Variants in FAM20C observed in about 807,000 individuals in gnomAD.
FAM20C encodes extracellular serine/threonine protein kinase FAM20C.
In FAM20C, 40 loss-of-function variants were observed where a neutral mutation model predicts 51.5. That is an observed-to-expected ratio of 0.78 (90% CI 0.60 to 1.01). The LOEUF is 1.01. Ranked by LOEUF, FAM20C falls within the 50% of genes least tolerant of loss-of-function variation. The pLI, the probability that FAM20C is intolerant of heterozygous loss-of-function variation, is 0.00. For synonymous variants in FAM20C, 406 were observed against 380.6 expected, an observed-to-expected ratio of 1.07 and a Z score of -0.78; for missense variants, 861 against 844.7, an observed-to-expected ratio of 1.02 and a Z score of -0.24.
At chr7:233,145 A>T (rs1787748589) in intron 3 of FAM20C, among the ~76,000 whole-genome samples, 1 of 152,184 alleles carries the variant, frequency 6.6e-6, no homozygotes, top group Non-Finnish European at 1.5e-5. Context: ...TTGTCTTTAA[A>T]ATGGGGGCAG....
chr7:213,312 T>G (rs1009451796), intron 3 of FAM20C, among the ~76,000 whole-genome samples: 2 of 152,038 alleles, frequency 1.3e-5, no homozygotes, highest in African/African-American at 4.8e-5. Flanking sequence ...TGTGGTCCTT[T>G]GTGAGTGACA....
chr7:244,955 TG>T (rs1413188536), intron 3 of FAM20C, among the ~76,000 whole-genome samples: 1 of 152,166 alleles, frequency 6.6e-6, no homozygotes, highest in African/African-American at 2.4e-5. Context: ...GAGAACAGCG[TG>T]GGAGGACGGG....
chr7:229,722 A>G (rs1445091516), intron 3 of FAM20C, among the ~76,000 whole-genome samples: 3 of 152,182 alleles, frequency 2.0e-5, no homozygotes, highest in Admixed American at 1.3e-4. Context: ...AGAGCCCCGC[A>G]CCTTCCAGAG....
chr7:258,506 G>C, intron 8 of FAM20C, 140 bp from the exon 9 acceptor site: 1 of 730,488 alleles, frequency 1.4e-6, no homozygotes, highest in Non-Finnish European at 2.3e-6. Context: ...CACTGCCCGG[G>C]GTGCTGGAGA....
chr7:259,035 G>A (rs540925527), intron 9 of FAM20C, among the ~76,000 whole-genome samples: 29 of 152,360 alleles, frequency 1.9e-4, no homozygotes, highest in Non-Finnish European at 3.1e-4. Context: ...CGCAGCTGCC[G>A]GTCTCTGCCA....
intron 3 of FAM20C, among the ~76,000 whole-genome samples, chr7:242,098 C>G (rs1308563305): frequency 6.6e-6 from 1 of 152,172 alleles, no homozygotes; most frequent in African/African-American, 2.4e-5. Flanking sequence ...CTGGAGAGCT[C>G]TGCGGGGACA....
intron 3 of FAM20C, among the ~76,000 whole-genome samples, chr7:240,349 TA>T (rs1340410563): frequency 0.25 from 144 of 582 alleles, 33 homozygotes; most frequent in Middle Eastern, 0.5. Flanking sequence ...ATGATGTTGA[TA>T]AAGGATGATA....
intron 3 of FAM20C, among the ~76,000 whole-genome samples, chr7:213,952 G>A (rs976744906): frequency 3.3e-5 from 5 of 152,180 alleles, no homozygotes; most frequent in African/African-American, 7.2e-5. Context: ...GGCCATTGAC[G>A]TGTCTTCTTT....
intron 3 of FAM20C, among the ~76,000 whole-genome samples, chr7:216,735 G>C: frequency 6.6e-6 from 1 of 150,642 alleles, no homozygotes; most frequent in Non-Finnish European, 1.5e-5. Flanking sequence ...GTCCGTCTAC[G>C]TCTCCCAAAG....
chr7:213,691 G>C (rs1312690915), intron 3 of FAM20C, among the ~76,000 whole-genome samples: 3 of 152,220 alleles, frequency 2.0e-5, no homozygotes, highest in African/African-American at 7.2e-5. Context: ...CTGGGGAGCA[G>C]TTGCCGGATC....
intron 3 of FAM20C, among the ~76,000 whole-genome samples, chr7:214,239 C>T (rs1041368093): frequency 1.9e-4 from 29 of 152,058 alleles, no homozygotes; most frequent in South Asian, 6.2e-4. Context: ...GCAGGAGAAT[C>T]GCTTGAACCC....
In FAM20C at chr7:258,431, T is replaced by C. The variant is rs1338757452; in HGVS notation, c.1446-215T>C. ...AGATGGGTGGGGTGGACCCACTGCC[T>C]GGGGTGCTGGAGATGGGTGGGATGG... On this transcript the variant is annotated intron_variant, in intron 8 of 9. Transcript: ENST00000313766. Among the ~76,000 whole-genome samples, 2,412 of 32,690 alleles carry C rather than the reference T, an allele frequency of 0.074. 89 individuals carry two copies. The highest frequency in any genetic ancestry group is 0.16 in the Middle Eastern group (10 of 62). 21.4% of individuals were successfully genotyped at this position (32,690 alleles called of 152,430 possible).
chr7:227,429 A>C (rs1357254526), intron 3 of FAM20C: 1 of 151,956 alleles, frequency 6.6e-6, no homozygotes, highest in Non-Finnish European at 1.5e-5. Context: ...GGGCTCAAAC[A>C]CTAGCCCCTA....
At chr7:258,144 G>C (rs796592710) in intron 8 of FAM20C, among the ~76,000 whole-genome samples, 3 of 107,362 alleles carry the variant, frequency 2.8e-5, no homozygotes, top group Admixed American at 8.6e-5. Flanking sequence ...CCCACTGACT[G>C]GGGTGCTGGA....
intron 2 of FAM20C, among the ~76,000 whole-genome samples, chr7:204,138 G>A (rs1175248954): frequency 6.6e-6 from 1 of 151,728 alleles, no homozygotes; most frequent in Non-Finnish European, 1.5e-5. Flanking sequence ...AGTGTATTCA[G>A]AAGAAAATGG....
chr7:218,487 G>T (rs375355952), intron 3 of FAM20C, among the ~76,000 whole-genome samples: 1 of 152,218 alleles, frequency 6.6e-6, no homozygotes. Context: ...TGGCCCAGCC[G>T]GGGAGCTGAA....
At position 206,852 on chromosome 7, in the gene FAM20C, AGG is replaced by A. The variant is rs1489652087; in HGVS notation, c.785-2045_785-2044del. On this transcript the variant is annotated intron_variant, in intron 2 of 9. Transcript: ENST00000313766. The stretch of plus-strand genomic sequence containing the variant: ...CGGCCCCGCACACGTGTCCACTGTG[AGG>A]CGTCGGTCACGGTCCCCTCGGCCCC... 4.0e-5 allele frequency among the ~76,000 whole-genome samples: 3 copies of A among 75,404 alleles called. 1 individual carries two copies. Among genetic ancestry groups the A allele is most frequent in the African/African-American group, 2.2e-4 (3 of 13,534 alleles). The allele number at this position is 75,404 out of a possible 152,430, so 49.5% of individuals were successfully genotyped here.
chr7:241,216 C>G (rs895635651), intron 3 of FAM20C, among the ~76,000 whole-genome samples: 18 of 152,142 alleles, frequency 1.2e-4, no homozygotes, highest in African/African-American at 4.3e-4. Context: ...CCAGCTGTGG[C>G]AGGAAGTGGC....
chr7:258,158 A>G (rs372184848), intron 8 of FAM20C, among the ~76,000 whole-genome samples: 6,868 of 24,532 alleles, frequency 0.28, 1,667 homozygotes, highest in Middle Eastern at 0.44. Flanking sequence ...TGCTGGAGAT[A>G]GGCAGGGTGG....
Sources: gnomAD v4.1 joint callset for allele counts (sites outside exome capture counted in the v4.1 genomes callset) on GRCh38, gnomAD v4.1.1 for gene constraint, MANE v1.5 for transcripts, NCBI Gene and HGNC (gene_info 2026-07-23, HGNC 2026-07-21) for gene names.